The following RPL8 variants were observed in gnomAD, a reference collection of about 807,000 sequenced individuals.
RPL8 encodes the protein large ribosomal subunit protein uL2.
For synonymous variants in RPL8, 182 were observed against 143.2 expected (o/e 1.27, Z -1.94); for missense variants, 248 against 365.9 (o/e 0.68, Z 2.63).
rs1826546603 is a variant in RPL8, at chr8:144,792,007, G to A, written c.123C>T (p.Ile41=). The change falls in exon 1 of 5, where the codon ATC becomes ATT. Residue 41 remains isoleucine (I), a synonymous_variant. Coordinates refer to ENST00000528957, the MANE Select transcript of RPL8 (RefSeq NM_001317782.2). ...AVDFAERHGY[I]KGIVKDIIHD... ...CGTTCCGCACCTTGACGATGCCCTTGATGTAGCCGTGCCGCTCAGCGAAAT... is the reference window on the plus strand; with the variant it reads ...CGTTCCGCACCTTGACGATGCCCTTAATGTAGCCGTGCCGCTCAGCGAAAT... 1 of 1,608,964 alleles carries A rather than the reference G, an allele frequency of 6.2e-7. No individual in the cohort carries two copies. The highest frequency in any genetic ancestry group is 2.2e-5 in the East Asian group (1 of 44,808).
At chr8:144,791,041 T>C in intron 3 of RPL8, 5 of 565,714 alleles carry the variant, frequency 8.8e-6, no homozygotes, top group Non-Finnish European at 1.3e-5. Flanking sequence ...TCCAAGACCC[T>C]GGTGACTTCG....
In RPL8 at chr8:144,790,381, G is replaced by T; in HGVS notation, c.589C>A (p.Pro197Thr). 3 of 1,614,110 alleles carry T rather than the reference G, an allele frequency of 1.9e-6. No individual in the cohort carries two copies. The highest frequency in any genetic ancestry group is 2.5e-6 in the Non-Finnish European group (3 of 1,180,002). Residue 197 changes from proline to threonine, a missense_variant, in exon 4 of 5, where the codon CCA (proline) becomes ACA (threonine). Transcript: ENST00000528957. ...HKYKAKRNCW[P>T]RVRGVAMNPV... Reference sequence around the variant, plus strand: ...TTCATGGCCACACCCCGTACTCGTGGCCAGCAGTTCCTCTTTGCCTTATAT... The same window carrying T: ...TTCATGGCCACACCCCGTACTCGTGTCCAGCAGTTCCTCTTTGCCTTATAT...
intron 3 of RPL8, chr8:144,791,061 C>T: frequency 1.7e-6 from 1 of 588,096 alleles, no homozygotes; most frequent in Non-Finnish European, 3.0e-6. Context: ...GTCCCAATCT[C>T]ATTTAACGCC....
Position 144,791,812 on chromosome 8 carries a change from C to T in RPL8, c.241G>A (p.Gly81Ser). 6.2e-7 allele frequency: 1 copy of T among 1,613,982 alleles called. No homozygotes were observed. The highest frequency in any genetic ancestry group is 8.5e-7 in the Non-Finnish European group (1 of 1,180,028). ...KRTELFIAAE[G>S]IHTGQFVYCG... ...TACACAAACTGGCCCGTGTGAATGC[C>T]CTCGGCGGCAATGAACAGCTCCGTC... The change falls in exon 2 of 5, where the codon GGC becomes AGC. Residue 81 changes from glycine (G) to serine (S), a missense_variant. Coordinates refer to ENST00000528957, the MANE Select transcript of RPL8 (RefSeq NM_001317782.2).
intron 4 of RPL8, among the ~76,000 whole-genome samples, 157 bp downstream of exon 4, chr8:144,790,198 G>A (rs1826451757): frequency 6.6e-6 from 1 of 152,058 alleles, no homozygotes; most frequent in Non-Finnish European, 1.5e-5. Context: ...AGGAGTGCTG[G>A]AGCAGGATCA....
chr8:144,791,078 G>A (rs1459000124), intron 3 of RPL8, 199 bp downstream of exon 3: 8 of 602,606 alleles, frequency 1.3e-5, no homozygotes, highest in Admixed American at 5.8e-5. Context: ...CGCCTCAACA[G>A]CAGTAAAGCA....
chr8:144,790,479 G>A lies in RPL8; in HGVS notation c.500-9C>T, dbSNP rs775967814. On this transcript the variant is annotated splice_polypyrimidine_tract_variant and intron_variant, in intron 3 of 4. Transcript: ENST00000528957. ...ACCTCCAGCCACCACACCTGTAGGG[G>A]ATCAGATACCTCAGGGAACCCCCAG... 1.3e-6 allele frequency: 2 copies of A among 1,589,542 alleles called. No individual in the cohort carries two copies. Among genetic ancestry groups the A allele is most frequent in the Non-Finnish European group, 8.5e-7 (1 of 1,175,540 alleles).
At chr8:144,790,053 C>CG in intron 4 of RPL8, 91 bp from the exon 5 acceptor site, 1 of 1,430,064 alleles carries the variant, frequency 7.0e-7, no homozygotes, top group Non-Finnish European at 9.3e-7. Context: ...CCCAATTCCG[C>CG]GAAGCCCCTC....
At chr8:144,791,169 C>T (rs1826498312) in intron 3 of RPL8, 108 bp downstream of exon 3, 5 of 1,114,464 alleles carry the variant, frequency 4.5e-6, no homozygotes, top group Non-Finnish European at 6.6e-6. Context: ...AGTTTTAGAA[C>T]AACAGGTAAT....
chr8:144,790,954 A>G (rs1227538099), intron 3 of RPL8: 4 of 467,462 alleles, frequency 8.6e-6, no homozygotes, highest in African/African-American at 2.0e-5. Context: ...AGAAAGCCAC[A>G]ATCTCTCCCT....
At chr8:144,791,051 GT>G (rs1826493372) in intron 3 of RPL8, 1 of 574,632 alleles carries the variant, frequency 1.7e-6, no homozygotes. Context: ...TGGTGACTTC[GT>G]CCCAATCTCA....
Position 144,790,437 on chromosome 8 carries a change from G to A in RPL8, c.533C>T (p.Pro178Leu). 1 of 1,614,062 alleles carries A rather than the reference G, an allele frequency of 6.2e-7. No individual in the cohort carries two copies. The highest frequency in any genetic ancestry group is 8.5e-7 in the Non-Finnish European group (1 of 1,180,016). The change falls in exon 4 of 5, where the codon CCC becomes CTC. Residue 178 changes from proline (P) to leucine (L), a missense_variant. By Grantham distance (98) the Pro-to-Leu change is moderately conservative. Transcript: ENST00000528957. The part of the protein sequence containing the change: ...VVAGGGRIDK[P>L]ILKAGRAYHK... Reference sequence around the variant, plus strand: ...GTACGCCCGGCCAGCCTTCAAGATGGGTTTGTCAATTCGGCCACCTCCAGC... The same window carrying A: ...GTACGCCCGGCCAGCCTTCAAGATGAGTTTGTCAATTCGGCCACCTCCAGC...
chr8:144,791,953 G>C (rs1004369356), intron 1 of RPL8, 39 bp from the exon 2 acceptor site: 2 of 1,610,006 alleles, frequency 1.2e-6, no homozygotes, highest in African/African-American at 2.7e-5. Flanking sequence ...GTTCCGGCCG[G>C]GCGTCCCTTC....
rs1243207116 is a variant in RPL8 at position 144,791,419 on chromosome 8, C to A, written c.357G>T (p.Lys119Asn). The change falls in exon 3 of 5, where the codon AAG becomes AAT. Residue 119 changes from lysine to asparagine, a missense_variant. Coordinates refer to ENST00000528957, the MANE Select transcript of RPL8 (RefSeq NM_001317782.2). The part of the protein sequence containing the change: ...EGTIVCCLEE[K>N]PGDRGKLARA... ...GGGCCAGCTTGCCACGGTCTCCAGG[C>A]TTCTCCTCCAGGCAGCACACGATTG... is the stretch of plus-strand genomic sequence containing the variant. The A allele has an allele frequency of 1.9e-6, 3 of 1,613,884 alleles. No individual in the cohort carries two copies. Among genetic ancestry groups the A allele is most frequent in the Non-Finnish European group, 2.5e-6 (3 of 1,180,040 alleles).
Position 144,790,346 on chromosome 8 carries a change from G to A in RPL8, c.615+9C>T. ...TCAATACCCAACCCTGCATTTCTGG[G>A]TTACTTACATTCATGGCCACACCCC... On this transcript the variant is annotated intron_variant, in intron 4 of 4. Transcript: ENST00000528957. 1.2e-6 allele frequency: 2 copies of A among 1,609,298 alleles called. No individual in the cohort carries two copies. Among genetic ancestry groups the A allele is most frequent in the Non-Finnish European group, 1.7e-6 (2 of 1,175,786 alleles).
At position 144,790,451 on chromosome 8, in the gene RPL8, G is replaced by A. The variant is rs771067290; in HGVS notation, c.519C>T (p.Gly173=). The change falls in exon 4 of 5, where the codon GGC becomes GGT. Residue 173 remains glycine (G), a synonymous_variant. Coordinates refer to ENST00000528957, the MANE Select transcript of RPL8 (RefSeq NM_001317782.2). ...RAVVGVVAGG[G]RIDKPILKAG... is the part of the protein sequence containing the mutation. ...CCTTCAAGATGGGTTTGTCAATTCG[G>A]CCACCTCCAGCCACCACACCTGTAG... 6.2e-7 allele frequency: 1 copy of A among 1,613,130 alleles called. No individual in the cohort carries two copies.
chr8:144,791,129 T>C, intron 3 of RPL8, 148 bp downstream of exon 3: 2 of 706,190 alleles, frequency 2.8e-6, no homozygotes, highest in Non-Finnish European at 4.9e-6. Flanking sequence ...CAACTGAGAC[T>C]ACAGGATGAG....
intron 3 of RPL8, 138 bp downstream of exon 3, chr8:144,791,139 G>C: frequency 1.3e-6 from 1 of 764,540 alleles, no homozygotes; most frequent in Non-Finnish European, 2.2e-6. Flanking sequence ...TACAGGATGA[G>C]CTCAAACTTA....
rs1381845482 is a variant in RPL8 at position 144,792,058 on chromosome 8, T to C, written c.72A>G (p.Lys24=). 1.9e-6 allele frequency: 3 copies of C among 1,607,948 alleles called. No individual in the cohort carries two copies. Among genetic ancestry groups the C allele is most frequent in the East Asian group, 4.5e-5 (2 of 44,764 alleles). The stretch of plus-strand genomic sequence containing the variant: ...CCACGGCGCGCAGGCGCGCAGCGCC[T>C]TTACGGTGCTTCACGTGCGCGCGGA... ...SVFRAHVKHR[K]GAARLRAVDF... The change falls in exon 1 of 5, where the codon AAA becomes AAG. Residue 24 remains lysine (K), a synonymous_variant. Coordinates refer to ENST00000528957, the MANE Select transcript of RPL8 (RefSeq NM_001317782.2).
Sources: gnomAD v4.1 joint callset for allele counts (sites outside exome capture counted in the v4.1 genomes callset) on GRCh38, gnomAD v4.1.1 for gene constraint, MANE v1.5 for transcripts, NCBI Gene and HGNC (gene_info 2026-07-23, HGNC 2026-07-21) for gene names.